The following CCDC178 variants were observed in gnomAD, a reference collection of about 807,000 sequenced individuals.
CCDC178 encodes coiled-coil domain containing 178.
In CCDC178, 126 loss-of-function variants were observed where a neutral mutation model predicts 117.4. The observed-to-expected ratio is 1.07, with a 90% confidence interval of 0.93 to 1.24. The LOEUF is 1.24. Ranked by LOEUF, CCDC178 falls within the 50% of genes most tolerant of loss-of-function variation. The probability of loss-of-function intolerance (pLI) is 0.00; values close to 1 mark genes in which losing one functional copy is unlikely to be tolerated. For synonymous variants in CCDC178, 283 were observed against 313.4 expected (o/e 0.90, Z 1.02); for missense variants, 1,030 against 986.9 (o/e 1.04, Z -0.59).
chr18:32,940,351 TTGCTTCTTG>T (rs2054209625), intron 22 of CCDC178, among the ~76,000 whole-genome samples: 1 of 152,070 alleles, frequency 6.6e-6, no homozygotes, highest in Non-Finnish European at 1.5e-5. Flanking sequence ...TTTTCTTTTT[TTGCTTCTTG>T]CAAACTTCGT....
At chr18:32,975,264 C>G (rs2055007826) in intron 21 of CCDC178, among the ~76,000 whole-genome samples, 1 of 152,074 alleles carries the variant, frequency 6.6e-6, no homozygotes, top group Non-Finnish European at 1.5e-5. Context: ...GCTAGAACTC[C>G]CTATTAATCT....
intron 22 of CCDC178, chr18:32,954,095 T>C (rs1435177036): frequency 6.6e-6 from 1 of 152,162 alleles, no homozygotes; most frequent in African/African-American, 2.4e-5. Flanking sequence ...GGGTATGTTT[T>C]ATAAAAAAAG....
At chr18:32,973,702 G>C (rs1414804768) in intron 22 of CCDC178, among the ~76,000 whole-genome samples, 1 of 152,080 alleles carries the variant, frequency 6.6e-6, no homozygotes, top group Non-Finnish European at 1.5e-5. Flanking sequence ...GTAATATGAA[G>C]TGCGTGTATA....
At chr18:33,193,787 AC>A (rs1329245048) in intron 20 of CCDC178, among the ~76,000 whole-genome samples, 1 of 152,186 alleles carries the variant, frequency 6.6e-6, no homozygotes, top group African/African-American at 2.4e-5. Flanking sequence ...TCATTTGCAT[AC>A]TGCATGTCTC....
At chr18:33,115,669 C>T (rs995741972) in intron 20 of CCDC178, among the ~76,000 whole-genome samples, 2 of 151,932 alleles carry the variant, frequency 1.3e-5, no homozygotes, top group Non-Finnish European at 2.9e-5. Flanking sequence ...CCTCCCCCGC[C>T]GCCGCCCTGC....
chr18:32,939,351 A>G (rs2054189389), intron 22 of CCDC178, among the ~76,000 whole-genome samples: 1 of 152,130 alleles, frequency 6.6e-6, no homozygotes, highest in African/African-American at 2.4e-5. Flanking sequence ...ATAAGAGATA[A>G]GAATGAAACA....
At chr18:32,960,125 G>T (rs2054677227) in intron 22 of CCDC178, among the ~76,000 whole-genome samples, 1 of 152,004 alleles carries the variant, frequency 6.6e-6, no homozygotes, top group South Asian at 2.1e-4. Flanking sequence ...GACACATTGT[G>T]AAATAAATGC....
At chr18:33,272,976 G>A (rs1209101387) in intron 12 of CCDC178, among the ~76,000 whole-genome samples, 1 of 150,884 alleles carries the variant, frequency 6.6e-6, no homozygotes, top group African/African-American at 2.4e-5. Context: ...CAGAAAGGAT[G>A]GGATATTTGC....
chr18:32,955,549 A>G (rs1468581070), intron 22 of CCDC178, among the ~76,000 whole-genome samples: 1 of 152,146 alleles, frequency 6.6e-6, no homozygotes, highest in African/African-American at 2.4e-5. Context: ...TCATCTTTAT[A>G]TCTGTCTGTA....
At chr18:33,234,006 G>C (rs1419242825) in intron 15 of CCDC178, among the ~76,000 whole-genome samples, 1 of 152,072 alleles carries the variant, frequency 6.6e-6, no homozygotes, top group African/African-American at 2.4e-5. Context: ...TACTAACCCA[G>C]TAGAATGGAG....
chr18:33,147,356 ATTTTTTTT>A (rs575608507), intron 20 of CCDC178, among the ~76,000 whole-genome samples: 4,862 of 94,584 alleles, frequency 0.051, 151 homozygotes, highest in East Asian at 0.13. Flanking sequence ...TGCCTTTTTA[ATTTTTTTT>A]TTTTTTTTTT....
chr18:32,976,436 C>T (rs976978506), intron 21 of CCDC178, among the ~76,000 whole-genome samples: 1 of 152,006 alleles, frequency 6.6e-6, no homozygotes, highest in African/African-American at 2.4e-5. Context: ...GGAGGTAGCA[C>T]TAGCCCTGTA....
At chr18:33,189,446 T>C (rs910605110) in intron 20 of CCDC178, among the ~76,000 whole-genome samples, 2 of 152,202 alleles carry the variant, frequency 1.3e-5, no homozygotes, top group Non-Finnish European at 2.9e-5. Context: ...TATGTTTACA[T>C]ATATGTAAGT....
At chr18:33,400,346 GA>G (rs111277910) in intron 3 of CCDC178, among the ~76,000 whole-genome samples, 2,376 of 152,170 alleles carry the variant, frequency 0.016, 60 homozygotes, top group African/African-American at 0.053. Flanking sequence ...TTCAAGCTTT[GA>G]AACCAGGCAT....
chr18:33,382,064 C>G (rs572710753), intron 5 of CCDC178, among the ~76,000 whole-genome samples: 2 of 152,222 alleles, frequency 1.3e-5, no homozygotes, highest in South Asian at 4.1e-4. Flanking sequence ...AGATCTTAAA[C>G]TTGTATTCAA....
At chr18:33,130,365 C>T (rs1053615605) in intron 20 of CCDC178, among the ~76,000 whole-genome samples, 4 of 151,564 alleles carry the variant, frequency 2.6e-5, no homozygotes, top group African/African-American at 9.7e-5. Flanking sequence ...AATTTTTGTC[C>T]CCATTTTATT....
chr18:33,105,767 T>C (rs1268532320), intron 20 of CCDC178, among the ~76,000 whole-genome samples: 1 of 151,680 alleles, frequency 6.6e-6, no homozygotes, highest in African/African-American at 2.4e-5. Flanking sequence ...GCATTCCAGT[T>C]TACTTGTAGG....
intron 2 of CCDC178, among the ~76,000 whole-genome samples, chr18:33,439,527 A>G (rs2064347741): frequency 6.6e-6 from 1 of 152,370 alleles, no homozygotes; most frequent in Non-Finnish European, 1.5e-5. Context: ...AGATAGAAAT[A>G]CACTAGTTTC....
rs369032859 is a variant in CCDC178 at position 33,400,595 on chromosome 18, T to TAGC, written c.59-3388_59-3387insGCT. Among the ~76,000 whole-genome samples the TAGC allele has an allele frequency of 9.7e-3, 1,472 of 152,314 alleles. 19 individuals carry two copies. The highest frequency in any genetic ancestry group is 0.034 in the African/African-American group (1,393 of 41,572). On this transcript the variant is annotated intron_variant, in intron 3 of 22. Transcript: ENST00000383096. ...AGCTTCCAACTTTCCCTCTGCAGCT[T>TAGC]CTTCACCTCTCTTAGCCTTTATAGA...
Sources: gnomAD v4.1 joint callset for allele counts (sites outside exome capture counted in the v4.1 genomes callset) on GRCh38, gnomAD v4.1.1 for gene constraint, MANE v1.5 for transcripts, NCBI Gene and HGNC (gene_info 2026-07-23, HGNC 2026-07-21) for gene names.